The following IGF2BP3 variants were observed in gnomAD, a reference collection of about 807,000 sequenced individuals.
IGF2BP3 encodes insulin-like growth factor 2 mRNA-binding protein 3.
IGF2BP3 carries 9 observed loss-of-function variants against 73.8 expected under a neutral mutation model. That is an observed-to-expected ratio of 0.12 (90% confidence interval 0.07 to 0.21). The LOEUF (loss-of-function observed/expected upper bound fraction) is 0.21. Ranked by LOEUF, IGF2BP3 falls within the 10% of genes least tolerant of loss-of-function variation. IGF2BP3 has a pLI of 1.00. For missense variants in IGF2BP3, 542 were observed against 714.0 expected (o/e 0.76, Z 2.75); for synonymous variants, 258 against 256.7 (o/e 1.01, Z -0.05).
At chr7:23,430,745 G>C (rs866360060) in intron 2 of IGF2BP3, among the ~76,000 whole-genome samples, 7 of 152,244 alleles carry the variant, frequency 4.6e-5, no homozygotes, top group African/African-American at 1.7e-4. Context: ...ATGTCAACTG[G>C]CATAACTCTG....
intron 2 of IGF2BP3, among the ~76,000 whole-genome samples, chr7:23,447,556 G>A (rs1390720880): frequency 6.7e-6 from 1 of 150,168 alleles, no homozygotes; most frequent in Non-Finnish European, 1.5e-5. Context: ...ACCTGGGTGC[G>A]GAGGTTGCAG....
chr7:23,429,985 T>G (rs1787626276), intron 2 of IGF2BP3, among the ~76,000 whole-genome samples: 1 of 152,232 alleles, frequency 6.6e-6, no homozygotes, highest in South Asian at 2.1e-4. Context: ...GAATCACTGC[T>G]TCCCTGCTTT....
intron 3 of IGF2BP3, among the ~76,000 whole-genome samples, chr7:23,372,853 T>C (rs760808331): frequency 1.3e-5 from 2 of 151,942 alleles, no homozygotes; most frequent in Non-Finnish European, 2.9e-5. Flanking sequence ...ATCCACACAA[T>C]CCCATGAGGC....
At chr7:23,377,792 A>G (rs1373976510) in intron 3 of IGF2BP3, among the ~76,000 whole-genome samples, 2 of 152,258 alleles carry the variant, frequency 1.3e-5, no homozygotes, top group Non-Finnish European at 2.9e-5. Context: ...TGAAGTACCT[A>G]CTAAAATCTG....
intron 3 of IGF2BP3, among the ~76,000 whole-genome samples, chr7:23,374,166 T>C (rs1446016924): frequency 6.6e-6 from 1 of 152,190 alleles, no homozygotes; most frequent in Non-Finnish European, 1.5e-5. Context: ...GAAGTACTTC[T>C]ACACCCATGT....
intron 3 of IGF2BP3, among the ~76,000 whole-genome samples, chr7:23,377,843 A>C (rs1277905402): frequency 6.6e-6 from 1 of 152,236 alleles, no homozygotes; most frequent in Non-Finnish European, 1.5e-5. Context: ...AGGAAGCCAG[A>C]CATAAAAGGC....
At position 23,407,553 on chromosome 7, in the gene IGF2BP3, A is replaced by G. The variant is rs1786874718; in HGVS notation, c.285+11223T>C. On this transcript the variant is annotated intron_variant, in intron 3 of 14. Coordinates refer to ENST00000258729, the MANE Select transcript of IGF2BP3 (RefSeq NM_006547.3). ...GAACCAGGAGGCAGAGGTTGTGGTG[A>G]GCCAAGATTGGGCCATCGCACTCCG... 2.0e-5 allele frequency among the ~76,000 whole-genome samples: 3 copies of G among 149,980 alleles called. No homozygotes were observed. The South Asian group carries it at 6.4e-4, about 32-fold the overall frequency.
chr7:23,402,526 G>A (rs1309390936), intron 3 of IGF2BP3: 1 of 152,194 alleles, frequency 6.6e-6, no homozygotes, highest in Non-Finnish European at 1.5e-5. Context: ...TGGCCAGGAA[G>A]AGGGGAACTT....
At chr7:23,409,820 A>C (rs1413561438) in intron 3 of IGF2BP3, among the ~76,000 whole-genome samples, 1 of 152,228 alleles carries the variant, frequency 6.6e-6, no homozygotes, top group Non-Finnish European at 1.5e-5. Flanking sequence ...GGACACCAAA[A>C]ATACTATTCA....
At chr7:23,328,584 C>A (rs1784363419) in intron 10 of IGF2BP3, among the ~76,000 whole-genome samples, 1 of 152,064 alleles carries the variant, frequency 6.6e-6, no homozygotes, top group African/African-American at 2.4e-5. Context: ...ATAACTTTTG[C>A]CTATTTTCCA....
intron 3 of IGF2BP3, among the ~76,000 whole-genome samples, chr7:23,403,962 CA>C (rs201416940): frequency 2.0e-4 from 28 of 142,430 alleles, no homozygotes; most frequent in African/African-American, 2.9e-4. Context: ...GTTTGTAAAA[CA>C]AAAAAAAAAA....
intron 2 of IGF2BP3, among the ~76,000 whole-genome samples, chr7:23,458,932 T>C (rs572791433): frequency 2.6e-5 from 4 of 152,234 alleles, no homozygotes; most frequent in African/African-American, 9.6e-5. Flanking sequence ...TTGGACAACT[T>C]AAATGGGAGG....
At chr7:23,317,539 A>T in intron 12 of IGF2BP3, 100 bp downstream of exon 12, 1 of 822,330 alleles carries the variant, frequency 1.2e-6, no homozygotes, top group Non-Finnish European at 2.1e-6. Context: ...ATTTCCATTG[A>T]CTCTTTCTGA....
chr7:23,420,742 C>G (rs897951211), intron 2 of IGF2BP3, among the ~76,000 whole-genome samples: 9 of 152,110 alleles, frequency 5.9e-5, no homozygotes, highest in African/African-American at 2.2e-4. Flanking sequence ...TACATCCTGT[C>G]TACAATCATA....
intron 2 of IGF2BP3, among the ~76,000 whole-genome samples, chr7:23,449,342 C>A (rs1250325515): frequency 6.6e-6 from 1 of 151,574 alleles, no homozygotes; most frequent in Non-Finnish European, 1.5e-5. Flanking sequence ...ACGGTGAAAC[C>A]CCGTCTCTAC....
chr7:23,352,723 C>T (rs1430032902), intron 5 of IGF2BP3, among the ~76,000 whole-genome samples: 1 of 152,116 alleles, frequency 6.6e-6, no homozygotes, highest in Non-Finnish European at 1.5e-5. Context: ...CCCCGGAAGC[C>T]CCAACAGTAC....
intron 3 of IGF2BP3, among the ~76,000 whole-genome samples, chr7:23,389,022 T>C (rs1474105339): frequency 6.6e-6 from 1 of 152,232 alleles, no homozygotes; most frequent in Admixed American, 6.5e-5. Flanking sequence ...TGTATATGTA[T>C]GTTAAAACTT....
intron 2 of IGF2BP3, among the ~76,000 whole-genome samples, chr7:23,421,870 C>T (rs1018787874): frequency 7.9e-5 from 12 of 151,828 alleles, no homozygotes; most frequent in Non-Finnish European, 1.2e-4. Flanking sequence ...CTGCAACCTC[C>T]GCCTCCCGGG....
At chr7:23,465,884 G>A (rs1391999757) in intron 2 of IGF2BP3, among the ~76,000 whole-genome samples, 1 of 152,154 alleles carries the variant, frequency 6.6e-6, no homozygotes, top group African/African-American at 2.4e-5. Context: ...TGCTGGGCAT[G>A]TGGTCACCCT....
Sources: gnomAD v4.1 joint callset for allele counts (sites outside exome capture counted in the v4.1 genomes callset) on GRCh38, gnomAD v4.1.1 for gene constraint, MANE v1.5 for transcripts, NCBI Gene and HGNC (gene_info 2026-07-23, HGNC 2026-07-21) for gene names.